The following PPP2CA variants were observed in gnomAD, a reference collection of about 807,000 sequenced individuals.
PPP2CA encodes the protein serine/threonine-protein phosphatase 2A catalytic subunit alpha isoform.
A neutral mutation model predicts 38.8 loss-of-function variants in PPP2CA; 5 were observed. The observed-to-expected ratio is 0.13, with a 90% CI of 0.07 to 0.27. The LOEUF (loss-of-function observed/expected upper bound fraction) is 0.27, where lower values mean the gene tolerates loss of function less well. Ranked by LOEUF, PPP2CA falls within the 10% of genes least tolerant of loss-of-function variation. The probability of loss-of-function intolerance (pLI) is 1.00; values close to 1 mark genes in which losing one functional copy is unlikely to be tolerated. For missense variants in PPP2CA, 88 were observed against 389.7 expected, an observed-to-expected ratio of 0.23 and a Z score of 6.52; for synonymous variants, 152 against 134.0, an observed-to-expected ratio of 1.13 and a Z score of -0.93.
chr5:134,222,686 ATTTACTCCTT>A (rs1245659631), intron 1 of PPP2CA, among the ~76,000 whole-genome samples: 1 of 152,186 alleles, frequency 6.6e-6, no homozygotes, highest in East Asian at 1.9e-4. Context: ...AGTTGATACT[ATTTACTCCTT>A]TCAATCTGTA....
At chr5:134,214,787 T>C (rs1214572661) in intron 1 of PPP2CA, among the ~76,000 whole-genome samples, 1 of 152,170 alleles carries the variant, frequency 6.6e-6, no homozygotes, top group East Asian at 1.9e-4. Flanking sequence ...ATTTTTTAAA[T>C]ATATAGCCAG....
intron 2 of PPP2CA, chr5:134,205,698 T>C (rs1762069025): frequency 2.2e-6 from 1 of 465,014 alleles, no homozygotes; most frequent in Admixed American, 3.4e-5. Flanking sequence ...TTTCAAACAA[T>C]CTGACTGAGG....
chr5:134,207,180 G>C (rs1377935088), intron 1 of PPP2CA, among the ~76,000 whole-genome samples: 2 of 152,140 alleles, frequency 1.3e-5, no homozygotes, highest in African/African-American at 4.8e-5. Flanking sequence ...AAGGCGGGCC[G>C]ATCACTTGAG....
At chr5:134,199,264 TCACTC>T in intron 5 of PPP2CA, 60 bp from the exon 6 acceptor site, 2 of 1,285,052 alleles carry the variant, frequency 1.6e-6, no homozygotes, top group Non-Finnish European at 2.3e-6. Context: ...AAATGTTACT[TCACTC>T]AAGAGAGAAA....
intron 4 of PPP2CA, 44 bp from the exon 5 acceptor site, chr5:134,200,540 G>A (rs776743576): frequency 3.8e-6 from 6 of 1,590,160 alleles, no homozygotes; most frequent in Non-Finnish European, 5.1e-6. Flanking sequence ...TACAAACATG[G>A]TTAACACATT....
intron 1 of PPP2CA, among the ~76,000 whole-genome samples, chr5:134,212,060 A>G (rs1428241731): frequency 6.6e-6 from 1 of 152,168 alleles, no homozygotes; most frequent in Non-Finnish European, 1.5e-5. Context: ...GCGAGGTTGC[A>G]GTGAGCGGAG....
chr5:134,197,915 T>A, intron 6 of PPP2CA, 71 bp from the exon 7 acceptor site: 3 of 1,318,142 alleles, frequency 2.3e-6, no homozygotes, highest in Non-Finnish European at 3.3e-6. Context: ...ATCAAGAACA[T>A]GAGTCTTCCA....
chr5:134,212,068 G>C lies in PPP2CA; in HGVS notation c.103-5937C>G, dbSNP rs149414724. Among the ~76,000 whole-genome samples, 607 of 152,218 alleles carry C rather than the reference G, an allele frequency of 4.0e-3. 2 individuals carry two copies. The highest frequency in any genetic ancestry group is 0.013 in the African/African-American group (557 of 41,560). ...CTGGGAGGCGAGGTTGCAGTGAGCGGAGACCGCACCACTGCACTCCAGCCT... is the reference window on the plus strand; with the variant it reads ...CTGGGAGGCGAGGTTGCAGTGAGCGCAGACCGCACCACTGCACTCCAGCCT... On this transcript the variant is annotated intron_variant, in intron 1 of 6. Coordinates refer to ENST00000481195, the MANE Select transcript of PPP2CA (RefSeq NM_002715.4).
chr5:134,200,122 C>T (rs1215626939), intron 5 of PPP2CA, among the ~76,000 whole-genome samples: 1 of 152,202 alleles, frequency 6.6e-6, no homozygotes, highest in African/African-American at 2.4e-5. Flanking sequence ...TCAGATTTCT[C>T]TGAAAACATG....
intron 1 of PPP2CA, among the ~76,000 whole-genome samples, chr5:134,222,000 G>C (rs192509139): frequency 3.7e-4 from 55 of 146,736 alleles, no homozygotes; most frequent in African/African-American, 1.3e-3. Context: ...TTTATTTTAT[G>C]AAAGTGTTGA....
chr5:134,207,004 T>A (rs1762096679), intron 1 of PPP2CA, among the ~76,000 whole-genome samples: 1 of 152,172 alleles, frequency 6.6e-6, no homozygotes, highest in Non-Finnish European at 1.5e-5. Context: ...TTACATAAGA[T>A]ACCAAAACAA....
At chr5:134,205,857 A>C in intron 2 of PPP2CA, 65 bp downstream of exon 2, 1 of 1,243,294 alleles carries the variant, frequency 8.0e-7, no homozygotes, top group African/African-American at 1.5e-5. Flanking sequence ...TAACTGGGGG[A>C]AAAAAAACTT....
intron 1 of PPP2CA, among the ~76,000 whole-genome samples, chr5:134,220,742 G>T (rs1035401851): frequency 1.3e-5 from 2 of 152,140 alleles, no homozygotes; most frequent in Non-Finnish European, 2.9e-5. Flanking sequence ...TATCTCACAG[G>T]TAACTCTGAC....
Position 134,201,072 on chromosome 5 carries a change from G to T in PPP2CA, c.489C>A (p.Ile163=), listed in dbSNP as rs747049144. The T allele has an allele frequency of 4.4e-6, 7 of 1,607,228 alleles. No individual in the cohort carries two copies. Among genetic ancestry groups the T allele is most frequent in the Non-Finnish European group, 6.0e-6 (7 of 1,173,762 alleles). ...GCGAGAGACCACCATGTAGACAGAA[G>T]ATCTGAAAAGAGTGGTTTAAAAGGT... The part of the protein sequence containing the change: ...LPLTALVDGQ[I]FCLHGGLSPS... The change falls in exon 4 of 7, where the codon ATC becomes ATA. Residue 163 remains isoleucine, a splice_region_variant and synonymous_variant. Transcript: ENST00000481195.
At position 134,225,835 on chromosome 5, in the gene PPP2CA, C is replaced by G. The variant is rs775616921; in HGVS notation, c.27G>C (p.Glu9Asp). The G allele has an allele frequency of 1.2e-6, 2 of 1,609,752 alleles. No homozygotes were observed. Among genetic ancestry groups the G allele is most frequent in the Non-Finnish European group, 1.7e-6 (2 of 1,179,014 alleles). The change falls in exon 1 of 7, where the codon GAG becomes GAC. Residue 9 changes from glutamate to aspartate, a missense_variant. Physicochemically the swap from Glu to Asp is conservative, Grantham distance 45. Transcript: ENST00000481195. MDEKVFTK[E>D]LDQWIEQLNE... ...TCAGCTGCTCGATCCACTGGTCCAG[C>G]TCCTTGGTGAACACCTTCTCGTCCA...
chr5:134,208,775 C>T (rs887143581), intron 1 of PPP2CA, among the ~76,000 whole-genome samples: 1 of 152,192 alleles, frequency 6.6e-6, no homozygotes, highest in African/African-American at 2.4e-5. Flanking sequence ...AAAGTTTACA[C>T]ACATACTGTA....
chr5:134,210,596 C>A (rs1762182191), intron 1 of PPP2CA, among the ~76,000 whole-genome samples: 1 of 152,310 alleles, frequency 6.6e-6, no homozygotes, highest in Non-Finnish European at 1.5e-5. Flanking sequence ...GTAATCCCAG[C>A]ACTTTGGGAG....
At chr5:134,209,498 T>G (rs1762156285) in intron 1 of PPP2CA, among the ~76,000 whole-genome samples, 3 of 152,184 alleles carry the variant, frequency 2.0e-5, no homozygotes, top group African/African-American at 7.2e-5. Context: ...TTGGGCTGGG[T>G]GCAGTGGCTC....
intron 2 of PPP2CA, 24 bp downstream of exon 2, chr5:134,205,898 G>A: frequency 2.5e-6 from 4 of 1,588,274 alleles, no homozygotes; most frequent in South Asian, 2.2e-5. Flanking sequence ...ATTTCAACAT[G>A]CCCCAACATA....
Sources: gnomAD v4.1 joint callset for allele counts (sites outside exome capture counted in the v4.1 genomes callset) on GRCh38, gnomAD v4.1.1 for gene constraint, MANE v1.5 for transcripts, NCBI Gene and HGNC (gene_info 2026-07-23, HGNC 2026-07-21) for gene names.